SGK3: variants seen among roughly 807,000 people sequenced by gnomAD.
SGK3 encodes the protein serum/glucocorticoid regulated kinase family member 3.
SGK3 carries 47 observed loss-of-function variants against 68.5 expected under a neutral mutation model. The ratio of observed to expected loss-of-function variants is 0.69; its 90% CI spans 0.54 to 0.87. The LOEUF (loss-of-function observed/expected upper bound fraction) is 0.87. Ranked by LOEUF, SGK3 falls within the 40% of genes least tolerant of loss-of-function variation. The probability of loss-of-function intolerance (pLI) is 0.00; values close to 1 mark genes in which losing one functional copy is unlikely to be tolerated. For synonymous variants in SGK3, 181 were observed against 189.1 expected (o/e 0.96, Z 0.35); for missense variants, 479 against 575.5 (o/e 0.83, Z 1.72).
intron 1 of SGK3, among the ~76,000 whole-genome samples, chr8:66,761,513 C>T (rs1015561005): frequency 6.6e-6 from 1 of 152,104 alleles, no homozygotes; most frequent in Non-Finnish European, 1.5e-5. Context: ...TGGTGGCTCA[C>T]GCCCCAGCAC....
chr8:66,727,488 G>A (rs1805018796), intron 1 of SGK3, among the ~76,000 whole-genome samples: 1 of 152,180 alleles, frequency 6.6e-6, no homozygotes, highest in Non-Finnish European at 1.5e-5. Flanking sequence ...TGGTCTGGAT[G>A]TGTCTCCCAC....
At chr8:66,755,156 G>A (rs1434972682) in intron 1 of SGK3, among the ~76,000 whole-genome samples, 1 of 151,844 alleles carries the variant, frequency 6.6e-6, no homozygotes, top group Admixed American at 6.6e-5. Flanking sequence ...CTGCTGGGCA[G>A]GCTGAGGCAG....
intron 1 of SGK3, among the ~76,000 whole-genome samples, chr8:66,730,919 T>A (rs1805132136): frequency 6.6e-6 from 1 of 152,000 alleles, no homozygotes; most frequent in Admixed American, 6.6e-5. Context: ...ACTCCTGACC[T>A]CAGGTGATCT....
At chr8:66,742,581 G>T (rs1010988884) in intron 1 of SGK3, among the ~76,000 whole-genome samples, 1 of 152,102 alleles carries the variant, frequency 6.6e-6, no homozygotes, top group East Asian at 1.9e-4. Flanking sequence ...TGCCCAGGCT[G>T]ATCTTGAATT....
rs905261574 is a variant in SGK3, at chr8:66,740,848, G to A, written c.-122+28015G>A. Among the ~76,000 whole-genome samples the A allele has an allele frequency of 1.4e-4, 21 of 150,872 alleles. No homozygotes were observed. The East Asian group carries it at 3.7e-3, about 27-fold the overall frequency. ...CTCGAACCTGGGAGATGGAGGATGC[G>A]GTGAGCCGAGATTGCGCCACTGCAC... On this transcript the variant is annotated intron_variant, in intron 1 of 16. Transcript: ENST00000521198.
chr8:66,815,148 CCTT>C (rs1413171106), intron 5 of SGK3, among the ~76,000 whole-genome samples: 4 of 152,116 alleles, frequency 2.6e-5, no homozygotes, highest in African/African-American at 4.8e-5. Context: ...CTCACAGAGG[CCTT>C]CTACTATTCT....
intron 14 of SGK3, among the ~76,000 whole-genome samples, chr8:66,844,103 C>G (rs1375912672): frequency 6.6e-6 from 1 of 151,842 alleles, no homozygotes; most frequent in Non-Finnish European, 1.5e-5. Flanking sequence ...GTTCTTACCC[C>G]CTTGGCATTT....
At chr8:66,720,561 G>A (rs898150936) in intron 1 of SGK3, among the ~76,000 whole-genome samples, 1 of 151,708 alleles carries the variant, frequency 6.6e-6, no homozygotes, top group East Asian at 1.9e-4. Flanking sequence ...CCTGAGGTTA[G>A]GAGTTTGAGA....
intron 1 of SGK3, among the ~76,000 whole-genome samples, chr8:66,792,419 T>C (rs932473844): frequency 1.3e-5 from 2 of 151,970 alleles, no homozygotes; most frequent in Non-Finnish European, 1.5e-5. Flanking sequence ...AAAGGAAGCA[T>C]TCTTATAATC....
At chr8:66,805,006 T>C (rs1441978101) in intron 4 of SGK3, among the ~76,000 whole-genome samples, 1 of 151,310 alleles carries the variant, frequency 6.6e-6, no homozygotes, top group East Asian at 2.0e-4. Flanking sequence ...TTGAGGTCAG[T>C]AGTTCAAGGC....
intron 1 of SGK3, among the ~76,000 whole-genome samples, chr8:66,729,584 A>G (rs1805084117): frequency 6.6e-6 from 1 of 152,164 alleles, no homozygotes; most frequent in South Asian, 2.1e-4. Flanking sequence ...ACTGCTATGA[A>G]TATTTTTGAG....
At chr8:66,772,399 CTT>C (rs112029105) in intron 1 of SGK3, among the ~76,000 whole-genome samples, 20 of 141,030 alleles carry the variant, frequency 1.4e-4, no homozygotes, top group African/African-American at 1.3e-4. Context: ...GATAAATATT[CTT>C]TTTTTTTTTT....
intron 3 of SGK3, among the ~76,000 whole-genome samples, chr8:66,803,327 TTTTG>T (rs1459948777): frequency 6.6e-6 from 1 of 152,080 alleles, no homozygotes; most frequent in Non-Finnish European, 1.5e-5. Flanking sequence ...TTTTGGGTGT[TTTTG>T]TTTGTTTGTT....
intron 16 of SGK3, among the ~76,000 whole-genome samples, chr8:66,858,706 C>T (rs184544911): frequency 6.6e-6 from 1 of 152,252 alleles, no homozygotes; most frequent in African/African-American, 2.4e-5. Context: ...CTGTGGGCTA[C>T]ATGAGGCACA....
intron 1 of SGK3, among the ~76,000 whole-genome samples, chr8:66,749,502 C>G (rs1805750580): frequency 6.6e-6 from 1 of 152,108 alleles, no homozygotes; most frequent in Non-Finnish European, 1.5e-5. Context: ...CGAACATTGA[C>G]TTCTGGCACA....
intron 1 of SGK3, chr8:66,790,657 A>G (rs1464513563): frequency 6.6e-6 from 1 of 152,212 alleles, no homozygotes; most frequent in Non-Finnish European, 1.5e-5. Flanking sequence ...TGGATTTTCT[A>G]CCCATCTCTT....
Position 66,798,540 on chromosome 8 carries a change from A to G in SGK3, c.97-2A>G. The G allele has an allele frequency of 6.2e-7, 1 of 1,601,692 alleles. No individual in the cohort carries two copies. The highest frequency in any genetic ancestry group is 2.2e-5 in the East Asian group (1 of 44,696). On this transcript the variant is annotated splice_acceptor_variant, in intron 2 of 16. Coordinates refer to ENST00000521198, the MANE Select transcript of SGK3 (RefSeq NM_001033578.3). LOFTEE classifies it high-confidence loss of function. ...ATATTATGTAATTTTTTATTTCCACAGGTTTATAAAGTTCTGGTTTCAGTG... is the reference window on the plus strand; with the variant it reads ...ATATTATGTAATTTTTTATTTCCACGGGTTTATAAAGTTCTGGTTTCAGTG...
chr8:66,835,270 G>T (rs1357524305), intron 8 of SGK3, among the ~76,000 whole-genome samples: 1 of 152,172 alleles, frequency 6.6e-6, no homozygotes, highest in Non-Finnish European at 1.5e-5. Context: ...ATTCTTTAAA[G>T]CGTCTGCATG....
At chr8:66,812,100 T>C (rs1373961224) in intron 4 of SGK3, among the ~76,000 whole-genome samples, 1 of 152,200 alleles carries the variant, frequency 6.6e-6, no homozygotes, top group African/African-American at 2.4e-5. Flanking sequence ...AAATAACCCA[T>C]AATTTTGGTG....
Sources: gnomAD v4.1 joint callset for allele counts (sites outside exome capture counted in the v4.1 genomes callset) on GRCh38, gnomAD v4.1.1 for gene constraint, MANE v1.5 for transcripts, NCBI Gene and HGNC (gene_info 2026-07-23, HGNC 2026-07-21) for gene names.